Variants in LCA5L observed in about 807,000 individuals in gnomAD.
The protein encoded by LCA5L is lebercilin-like protein.
A neutral mutation model predicts 45.4 loss-of-function variants in LCA5L; 35 were observed. The ratio of observed to expected loss-of-function variants is 0.77; its 90% CI spans 0.59 to 1.02. The LOEUF (loss-of-function observed/expected upper bound fraction) is 1.02. LCA5L is among the 50% of genes least tolerant of loss of function. LCA5L has a pLI of 0.00. For missense variants in LCA5L, 668 were observed against 761.6 expected, an observed-to-expected ratio of 0.88 and a Z score of 1.45; for synonymous variants, 233 against 264.7, an observed-to-expected ratio of 0.88 and a Z score of 1.16.
intron 5 of LCA5L, among the ~76,000 whole-genome samples, chr21:39,424,114 G>A (rs1018064759): frequency 2.6e-5 from 4 of 152,078 alleles, no homozygotes; most frequent in Non-Finnish European, 4.4e-5. Context: ...CCGGGTTCAA[G>A]CGATTCTCCT....
intron 7 of LCA5L, among the ~76,000 whole-genome samples, chr21:39,420,503 AC>A (rs2042099754): frequency 2.1e-5 from 3 of 145,982 alleles, no homozygotes; most frequent in Admixed American, 2.1e-4. Flanking sequence ...AGCCTGGGTG[AC>A]AGAGCAAGAT....
At chr21:39,439,849 A>G (rs2076642430) in intron 2 of LCA5L, 1 of 152,212 alleles carries the variant, frequency 6.6e-6, no homozygotes, top group South Asian at 2.1e-4. Context: ...AAGTTAGGAA[A>G]TTAATTAGAG....
At chr21:39,410,671 G>A (rs753733946) in intron 8 of LCA5L, among the ~76,000 whole-genome samples, 10 of 152,140 alleles carry the variant, frequency 6.6e-5, no homozygotes, top group Non-Finnish European at 1.5e-4. Context: ...ACGTGTAATT[G>A]TGAGAGGCCA....
intron 10 of LCA5L, among the ~76,000 whole-genome samples, chr21:39,407,559 T>A (rs767315506): frequency 3.2e-4 from 48 of 152,182 alleles, no homozygotes; most frequent in Non-Finnish European, 6.3e-4. Context: ...GCCAAAGGAA[T>A]AATGGTTAAA....
intron 7 of LCA5L, among the ~76,000 whole-genome samples, chr21:39,413,033 G>T (rs141769089): frequency 6.6e-6 from 1 of 152,174 alleles, no homozygotes; most frequent in Admixed American, 6.5e-5. Flanking sequence ...GCATCTCAGA[G>T]CATTTGCATC....
At position 39,410,045 on chromosome 21, in the gene LCA5L, T is replaced by G; in HGVS notation, c.1216A>C (p.Asn406His). The change falls in exon 10 of 11, where the codon AAT becomes CAT. Residue 406 changes from asparagine (N) to histidine (H), a missense_variant. Coordinates refer to ENST00000288350, the MANE Select transcript of LCA5L (RefSeq NM_152505.4). Reference sequence around the variant, plus strand: ...TTCACACAGTGAGGAATTTCATGATTTATTTCAGTTGATTTTTCTTTATGA... The same window carrying G: ...TTCACACAGTGAGGAATTTCATGATGTATTTCAGTTGATTTTTCTTTATGA... ...IDHKEKSTEINHEIPHCVNKL... is the reference protein window; with the variant it reads ...IDHKEKSTEIHHEIPHCVNKL... The G allele has an allele frequency of 6.2e-7, 1 of 1,611,160 alleles. No homozygotes were observed. Among genetic ancestry groups the G allele is most frequent in the Admixed American group, 1.7e-5 (1 of 59,872 alleles).
intron 2 of LCA5L, among the ~76,000 whole-genome samples, chr21:39,442,404 T>C (rs1007841997): frequency 2.0e-5 from 3 of 152,002 alleles, no homozygotes; most frequent in African/African-American, 4.8e-5. Context: ...AAGCTAACTG[T>C]AGGCAAAAGA....
At chr21:39,431,737 C>T (rs1274153157) in intron 3 of LCA5L, among the ~76,000 whole-genome samples, 1 of 152,042 alleles carries the variant, frequency 6.6e-6, no homozygotes, top group Non-Finnish European at 1.5e-5. Context: ...AGGATGGTCT[C>T]GATCTCTTGA....
chr21:39,413,985 G>C (rs1389950217), intron 7 of LCA5L: 1 of 152,272 alleles, frequency 6.6e-6, no homozygotes, highest in Non-Finnish European at 1.5e-5. Flanking sequence ...TCCTCCTTGC[G>C]GCTTGGAGCA....
At chr21:39,436,474 G>A (rs947978036) in intron 2 of LCA5L, among the ~76,000 whole-genome samples, 1 of 151,840 alleles carries the variant, frequency 6.6e-6, no homozygotes, top group Admixed American at 6.6e-5. Context: ...TTATTCTATG[G>A]GTAGGTAATT....
chr21:39,407,689 G>C (rs550898797), intron 10 of LCA5L: 1 of 152,254 alleles, frequency 6.6e-6, no homozygotes, highest in South Asian at 2.1e-4. Context: ...ATGAGGGCAG[G>C]GTTTTGCATT....
chr21:39,416,644 C>T (rs1249343201), intron 7 of LCA5L, among the ~76,000 whole-genome samples: 1 of 149,640 alleles, frequency 6.7e-6, no homozygotes, highest in Non-Finnish European at 1.5e-5. Flanking sequence ...TTTTATTTGA[C>T]TCTATCTTAC....
intron 2 of LCA5L, among the ~76,000 whole-genome samples, chr21:39,437,548 C>T (rs1452956746): frequency 6.6e-6 from 1 of 152,182 alleles, no homozygotes; most frequent in Non-Finnish European, 1.5e-5. Context: ...CAGCCTCAAC[C>T]TCCTGGGTTC....
chr21:39,417,328 C>T (rs1227709399), intron 7 of LCA5L, among the ~76,000 whole-genome samples: 4 of 152,224 alleles, frequency 2.6e-5, no homozygotes, highest in Admixed American at 6.5e-5. Flanking sequence ...GCATGAGCCA[C>T]TGTACCCAGC....
intron 3 of LCA5L, chr21:39,429,418 G>A (rs2075402486): frequency 6.6e-6 from 1 of 152,156 alleles, no homozygotes; most frequent in South Asian, 2.1e-4. Context: ...AATGATCTTA[G>A]TAATAATTAA....
intron 10 of LCA5L, chr21:39,407,981 C>T (rs1267408990): frequency 1.3e-5 from 2 of 152,212 alleles, no homozygotes; most frequent in African/African-American, 2.4e-5. Flanking sequence ...AGGTGAGGCC[C>T]TTGGGCCTCT....
intron 7 of LCA5L, among the ~76,000 whole-genome samples, chr21:39,420,215 G>T (rs1218501673): frequency 6.6e-6 from 1 of 152,012 alleles, no homozygotes; most frequent in Non-Finnish European, 1.5e-5. Flanking sequence ...ATCTGAGAAA[G>T]ATATTAATGA....
At chr21:39,445,347 G>A (rs2077362048) in intron 1 of LCA5L, 1 of 152,332 alleles carries the variant, frequency 6.6e-6, no homozygotes, top group Non-Finnish European at 1.5e-5. Context: ...TCAGATAGAA[G>A]ATTCAGATAG....
intron 3 of LCA5L, among the ~76,000 whole-genome samples, chr21:39,433,591 T>C (rs2410128): frequency 0.25 from 37,747 of 151,928 alleles, 5,619 homozygotes; most frequent in African/African-American, 0.42. Context: ...TATGGGCATC[T>C]AATTGCTTCA....
Sources: allele counts gnomAD v4.1 joint callset (sites outside exome capture counted in the v4.1 genomes callset), GRCh38; gene constraint gnomAD v4.1.1; transcripts MANE v1.5; gene names NCBI Gene and HGNC (gene_info 2026-07-23, HGNC 2026-07-21).